The following NEBL variants were observed in gnomAD, a reference collection of about 807,000 sequenced individuals.
NEBL encodes LIM and SH3 protein 2.
NEBL carries 122 observed loss-of-function variants against 140.2 expected under a neutral mutation model. The observed-to-expected ratio is 0.87, with a 90% confidence interval of 0.75 to 1.01. The LOEUF (loss-of-function observed/expected upper bound fraction) is 1.01. Ranked by LOEUF, NEBL falls within the 50% of genes least tolerant of loss-of-function variation. The pLI is 0.00. For missense variants in NEBL, 1,365 were observed against 1,231.3 expected (o/e 1.11, Z -1.62); for synonymous variants, 436 against 398.9 (o/e 1.09, Z -1.11).
At chr10:20,795,029 C>A (rs1165548097) in intron 26 of NEBL, among the ~76,000 whole-genome samples, 4 of 152,124 alleles carry the variant, frequency 2.6e-5, no homozygotes, top group Non-Finnish European at 4.4e-5. Flanking sequence ...CTTCAGAACC[C>A]AAACTCTTGA....
chr10:20,857,244 T>A (rs1490551614), intron 9 of NEBL, among the ~76,000 whole-genome samples: 2 of 152,326 alleles, frequency 1.3e-5, no homozygotes, highest in African/African-American at 4.8e-5. Context: ...AACATACATT[T>A]CAAAACACTG....
At chr10:20,974,236 T>C (rs1311117945) in intron 3 of NEBL, among the ~76,000 whole-genome samples, 2 of 151,656 alleles carry the variant, frequency 1.3e-5, no homozygotes, top group East Asian at 3.9e-4. Flanking sequence ...TCAAAGACCA[T>C]CGCTTAGTTT....
intron 1 of NEBL, among the ~76,000 whole-genome samples, chr10:21,290,610 G>C (rs998315725): frequency 6.6e-6 from 1 of 152,144 alleles, no homozygotes; most frequent in Non-Finnish European, 1.5e-5. Flanking sequence ...CTGTTCTTTT[G>C]AGGGTAACTC....
At chr10:21,239,739 A>T (rs1372019862) in intron 3 of NEBL, among the ~76,000 whole-genome samples, 1 of 152,132 alleles carries the variant, frequency 6.6e-6, no homozygotes, top group African/African-American at 2.4e-5. Context: ...AGTAAGTGGC[A>T]GGGCGCGGTG....
chr10:21,092,600 A>T (rs1005431164), intron 2 of NEBL, among the ~76,000 whole-genome samples: 1 of 141,092 alleles, frequency 7.1e-6, no homozygotes, highest in Non-Finnish European at 1.5e-5. Context: ...TAATAATAAT[A>T]ATAATAATAA....
rs200334335 is a variant in NEBL, at chr10:20,813,975, C to T, written c.2310G>A (p.Met770Ile). The T allele has an allele frequency of 6.2e-6, 10 of 1,610,168 alleles. No homozygotes were observed. The highest frequency in any genetic ancestry group is 8.5e-6 in the Non-Finnish European group (10 of 1,176,562). Residue 770 changes from methionine to isoleucine, a missense_variant, in exon 23 of 28, where the codon ATG becomes ATA. Physicochemically the swap from Met to Ile is conservative, Grantham distance 10. Coordinates refer to ENST00000377122, the MANE Select transcript of NEBL (RefSeq NM_006393.3). ...GATTTTGTGCTTCTTTAACATGTCTCATAGCAGGTGTATCTAAAATCAGAC... is the reference window on the plus strand; with the variant it reads ...GATTTTGTGCTTCTTTAACATGTCTTATAGCAGGTGTATCTAAAATCAGAC... ...RPSLILDTPA[M>I]RHVKEAQNHI...
At chr10:20,808,723 A>T (rs1837854684) in intron 25 of NEBL, 64 bp from the exon 26 acceptor site, 1 of 1,507,436 alleles carries the variant, frequency 6.6e-7, no homozygotes, top group Admixed American at 1.7e-5. Flanking sequence ...ATCAACAAAA[A>T]ATTACTTAAA....
At chr10:21,012,257 T>A (rs1460594165) in intron 3 of NEBL, among the ~76,000 whole-genome samples, 1 of 152,134 alleles carries the variant, frequency 6.6e-6, no homozygotes, top group African/African-American at 2.4e-5. Context: ...CACTCTTCAC[T>A]CTGTTTCTCT....
chr10:21,034,848 G>C (rs1215588911), intron 2 of NEBL, among the ~76,000 whole-genome samples: 5 of 152,164 alleles, frequency 3.3e-5, no homozygotes, highest in African/African-American at 1.2e-4. Context: ...AGGATGTGCA[G>C]GTTTGTTACA....
intron 4 of NEBL, among the ~76,000 whole-genome samples, chr10:20,883,278 A>G (rs78714308): frequency 0.06 from 9,108 of 152,284 alleles, 379 homozygotes; most frequent in Middle Eastern, 0.12. Flanking sequence ...CTGCCCAGCC[A>G]TGTTCCTACC....
intron 1 of NEBL, among the ~76,000 whole-genome samples, chr10:21,275,975 T>C (rs912849646): frequency 3.4e-5 from 5 of 148,424 alleles, no homozygotes; most frequent in African/African-American, 1.2e-4. Context: ...TTTCTTTTTT[T>C]TTTTTTTTTT....
chr10:20,779,977 G>A lies in NEBL; in HGVS notation c.*5770C>T, dbSNP rs1834921884. 2 of 152,116 alleles carry A rather than the reference G, an allele frequency of 1.3e-5. No homozygotes were observed. Among genetic ancestry groups the A allele is most frequent in the Non-Finnish European group, 2.9e-5 (2 of 68,026 alleles). 9.4% of individuals were successfully genotyped at this position (152,116 alleles called of 1,614,324 possible). A position where few individuals can be genotyped will look rare whatever the true frequency, so the allele number is the denominator to read the frequency against. On this transcript the variant is annotated 3_prime_UTR_variant, in exon 28 of 28. Coordinates refer to ENST00000377122, the MANE Select transcript of NEBL (RefSeq NM_006393.3). The stretch of plus-strand genomic sequence containing the variant: ...TGAAAAACAGAAAATCCAATATTTG[G>A]AAGAAGTGTTTATTCTACGAGCAGA...
rs942188527 is a variant in NEBL, at chr10:21,160,489, T to A, written c.164+11894A>T. Among the ~76,000 whole-genome samples the A allele has an allele frequency of 3.9e-4, 59 of 152,230 alleles. 1 individual carries two copies. Among genetic ancestry groups the A allele is most frequent in the Non-Finnish European group, 1.3e-4 (9 of 68,044 alleles). Reference sequence around the variant, plus strand: ...GAACTGTTCTAATATGGTGTTTCTATTCCTGATAGGAATAACCCTTAATTA... The same window carrying A: ...GAACTGTTCTAATATGGTGTTTCTAATCCTGATAGGAATAACCCTTAATTA... On this transcript the variant is annotated intron_variant, in intron 2 of 6. Coordinates refer to the NEBL transcript ENST00000417816.
At chr10:21,246,507 G>A (rs1842518569) in intron 3 of NEBL, among the ~76,000 whole-genome samples, 1 of 152,088 alleles carries the variant, frequency 6.6e-6, no homozygotes, top group African/African-American at 2.4e-5. Context: ...ATTGGGCCAG[G>A]CACAATGGCT....
upstream of NEBL, chr10:20,899,527 C>G: frequency 8.1e-6 from 6 of 744,092 alleles, no homozygotes; most frequent in South Asian, 1.2e-4. Context: ...GCAATGTGAA[C>G]ACAAATTTTC....
chr10:20,856,378 T>C (rs1015010090), intron 9 of NEBL, among the ~76,000 whole-genome samples: 4 of 152,188 alleles, frequency 2.6e-5, no homozygotes, highest in African/African-American at 9.7e-5. Flanking sequence ...AGCCACCAAA[T>C]GTTGAAATTA....
rs71390799 is a variant in NEBL at position 20,923,666 on chromosome 10, C to CAAAAAAAAAAAAAAAAAAAAAAAAAA, written c.357+37980_357+38005dup. ...TGCACTCCAGAGCAAGACTCCGTCT[C>CAAAAAAAAAAAAAAAAAAAAAAAAAA]AAAAAAAAAAAAAAAAAAAAAAAAA... On this transcript the variant is annotated intron_variant, in intron 4 of 6. Transcript: ENST00000417816. Among the ~76,000 whole-genome samples, 13 of 28,368 alleles carry CAAAAAAAAAAAAAAAAAAAAAAAAAA rather than the reference C, an allele frequency of 4.6e-4. 2 individuals are homozygous for CAAAAAAAAAAAAAAAAAAAAAAAAAA. Among genetic ancestry groups the CAAAAAAAAAAAAAAAAAAAAAAAAAA allele is most frequent in the African/African-American group, 1.2e-3 (10 of 8,038 alleles). 18.6% of individuals were successfully genotyped at this position (28,368 alleles called of 152,430 possible).
chr10:21,260,202 G>C (rs1842720550), intron 1 of NEBL, among the ~76,000 whole-genome samples: 2 of 152,144 alleles, frequency 1.3e-5, no homozygotes, highest in Non-Finnish European at 2.9e-5. Context: ...GCTCATCCGG[G>C]AATCCGGTCC....
At chr10:20,934,535 C>G (rs527687644) in intron 4 of NEBL, among the ~76,000 whole-genome samples, 92 of 152,210 alleles carry the variant, frequency 6.0e-4, no homozygotes, top group African/African-American at 2.1e-3. Flanking sequence ...CAGACTGAAC[C>G]TGAAACCCGT....
Sources: allele counts gnomAD v4.1 joint callset (sites outside exome capture counted in the v4.1 genomes callset), GRCh38; gene constraint gnomAD v4.1.1; transcripts MANE v1.5; gene names NCBI Gene and HGNC (gene_info 2026-07-23, HGNC 2026-07-21).